The following C10orf90 variants were observed in gnomAD, a reference collection of about 807,000 sequenced individuals.
C10orf90 encodes chromosome 10 open reading frame 90.
C10orf90 carries 56 observed loss-of-function variants against 62.5 expected under a neutral mutation model. The observed-to-expected ratio is 0.90, with a 90% CI of 0.72 to 1.12. The LOEUF is 1.12. Ranked by LOEUF, C10orf90 falls within the 50% of genes most tolerant of loss-of-function variation. The pLI is 0.00. For synonymous variants in C10orf90, 386 were observed against 340.4 expected (o/e 1.13, Z -1.47); for missense variants, 970 against 880.4 (o/e 1.10, Z -1.29).
At chr10:126,583,935 G>A (rs1466100461) in intron 2 of C10orf90, among the ~76,000 whole-genome samples, 1 of 152,114 alleles carries the variant, frequency 6.6e-6, no homozygotes, top group Non-Finnish European at 1.5e-5. Context: ...TGGTGATGTA[G>A]AGAGACCTCA....
At chr10:126,491,855 G>A (rs1290128115) in intron 4 of C10orf90, among the ~76,000 whole-genome samples, 1 of 152,220 alleles carries the variant, frequency 6.6e-6, no homozygotes, top group African/African-American at 2.4e-5. Flanking sequence ...AGGAAAAGCA[G>A]ATTCCAAACT....
At chr10:126,506,064 AG>A (rs1320152613) in intron 3 of C10orf90, among the ~76,000 whole-genome samples, 1 of 152,226 alleles carries the variant, frequency 6.6e-6, no homozygotes, top group Non-Finnish European at 1.5e-5. Flanking sequence ...ATTGGGGGAC[AG>A]GGGACACTGG....
At chr10:126,541,117 A>G (rs1235890257) in intron 2 of C10orf90, among the ~76,000 whole-genome samples, 1 of 152,214 alleles carries the variant, frequency 6.6e-6, no homozygotes, top group African/African-American at 2.4e-5. Flanking sequence ...TAATTTTTAT[A>G]TGACAAATGT....
intron 4 of C10orf90, among the ~76,000 whole-genome samples, chr10:126,473,958 G>A (rs75204518): frequency 0.016 from 2,438 of 152,240 alleles, 73 homozygotes; most frequent in African/African-American, 0.056. Flanking sequence ...TTTCATTGCA[G>A]TGAAGAAACA....
At chr10:126,635,242 C>G (rs1050019191) in intron 2 of C10orf90, among the ~76,000 whole-genome samples, 2 of 152,132 alleles carry the variant, frequency 1.3e-5, no homozygotes, top group Non-Finnish European at 2.9e-5. Flanking sequence ...CTATTTAATA[C>G]CGGAAAAGGA....
chr10:126,535,494 G>A (rs1039473690), intron 2 of C10orf90, among the ~76,000 whole-genome samples: 2 of 149,342 alleles, frequency 1.3e-5, no homozygotes, highest in Middle Eastern at 3.5e-3. Context: ...TCCAGCCTGG[G>A]CAACAGAGCC....
At chr10:126,494,098 T>C (rs1340737574) in intron 4 of C10orf90, among the ~76,000 whole-genome samples, 1 of 152,170 alleles carries the variant, frequency 6.6e-6, no homozygotes, top group Non-Finnish European at 1.5e-5. Flanking sequence ...GTTCACTACC[T>C]ACAGAGGCCA....
intron 2 of C10orf90, among the ~76,000 whole-genome samples, chr10:126,573,910 G>C (rs969357306): frequency 6.6e-6 from 1 of 152,006 alleles, no homozygotes; most frequent in Non-Finnish European, 1.5e-5. Flanking sequence ...GTGAAGATCA[G>C]AGCCTGAAAA....
intron 2 of C10orf90, among the ~76,000 whole-genome samples, chr10:126,626,711 C>A (rs1228396494): frequency 6.6e-6 from 1 of 152,104 alleles, no homozygotes; most frequent in East Asian, 1.9e-4. Context: ...TCACAGGGAT[C>A]GATACAGTGA....
intron 2 of C10orf90, among the ~76,000 whole-genome samples, chr10:126,615,965 G>C (rs1845531979): frequency 6.6e-6 from 1 of 152,236 alleles, no homozygotes. Context: ...CCAAGGTCTA[G>C]GGGATTTGTG....
intron 2 of C10orf90, among the ~76,000 whole-genome samples, chr10:126,565,230 A>AT (rs1398147733): frequency 5.3e-5 from 3 of 57,066 alleles, no homozygotes; most frequent in African/African-American, 1.7e-4. Flanking sequence ...TATATTACAT[A>AT]TTATGTAATA....
intron 2 of C10orf90, among the ~76,000 whole-genome samples, chr10:126,585,277 A>AGAAAGAAAGAAAT (rs1331829243): frequency 2.1e-4 from 31 of 150,796 alleles, no homozygotes; most frequent in Admixed American, 7.3e-4. Flanking sequence ...AAGAAAGAAA[A>AGAAAGAAAGAAAT]AGAAACAAAG....
At chr10:126,594,108 C>CTTTT (rs5788794) in intron 2 of C10orf90, among the ~76,000 whole-genome samples, 2,566 of 131,974 alleles carry the variant, frequency 0.019, 69 homozygotes, top group East Asian at 0.073. Context: ...ACCAGGCTTG[C>CTTTT]TTTTTTTTTT....
intron 2 of C10orf90, among the ~76,000 whole-genome samples, chr10:126,630,825 A>G (rs1845837040): frequency 6.6e-6 from 1 of 152,148 alleles, no homozygotes. Context: ...TTCCCTTACC[A>G]TCCACATCCA....
At chr10:126,597,627 C>T (rs372031452) in intron 2 of C10orf90, among the ~76,000 whole-genome samples, 108 of 152,268 alleles carry the variant, frequency 7.1e-4, no homozygotes, top group African/African-American at 2.5e-3. Context: ...GGGAGACCAA[C>T]AAGTGATGAT....
chr10:126,629,675 G>T (rs916583300), intron 2 of C10orf90, among the ~76,000 whole-genome samples: 1 of 152,242 alleles, frequency 6.6e-6, no homozygotes, highest in South Asian at 2.1e-4. Context: ...CACAAGGGAT[G>T]AGTAGCCATT....
At chr10:126,644,131 C>T (rs1262897953) in intron 2 of C10orf90, among the ~76,000 whole-genome samples, 2 of 152,208 alleles carry the variant, frequency 1.3e-5, no homozygotes, top group South Asian at 2.1e-4. Context: ...GGGGAATGCC[C>T]CCGACCCTTG....
At chr10:126,653,267 A>T (rs1055700414) in intron 1 of C10orf90, among the ~76,000 whole-genome samples, 1 of 152,224 alleles carries the variant, frequency 6.6e-6, no homozygotes, top group Non-Finnish European at 1.5e-5. Flanking sequence ...TCTCTGTAGC[A>T]TGTGAAGTTG....
chr10:126,588,870 G>C (rs1227734846), intron 2 of C10orf90, among the ~76,000 whole-genome samples: 2 of 152,210 alleles, frequency 1.3e-5, no homozygotes, highest in Admixed American at 6.5e-5. Flanking sequence ...TGAACTGACA[G>C]AAGTAGGCTT....
Sources: gnomAD v4.1 joint callset for allele counts (sites outside exome capture counted in the v4.1 genomes callset) on GRCh38, gnomAD v4.1.1 for gene constraint, MANE v1.5 for transcripts, NCBI Gene and HGNC (gene_info 2026-07-23, HGNC 2026-07-21) for gene names.